Variants in INPP4B observed in about 807,000 individuals in gnomAD.
The protein encoded by INPP4B is inositol polyphosphate-4-phosphatase type II B.
INPP4B carries 55 observed loss-of-function variants against 122.5 expected under a neutral mutation model. That is an observed-to-expected ratio of 0.45 (90% CI 0.36 to 0.56). The LOEUF (loss-of-function observed/expected upper bound fraction) is 0.56. Among genes scored for constraint, INPP4B ranks in the 20% least tolerant of loss-of-function variants. INPP4B has a pLI of 0.00. For missense variants in INPP4B, 1,000 were observed against 1,097.7 expected (o/e 0.91, Z 1.26); for synonymous variants, 403 against 388.7 (o/e 1.04, Z -0.43).
intron 7 of INPP4B, among the ~76,000 whole-genome samples, chr4:142,371,807 A>G (rs1790016747): frequency 6.6e-6 from 1 of 152,030 alleles, no homozygotes. Flanking sequence ...ATGTGAGGAA[A>G]GGGAGCTCTT....
intron 2 of INPP4B, among the ~76,000 whole-genome samples, chr4:142,691,068 G>A (rs1271926615): frequency 6.6e-6 from 1 of 152,102 alleles, no homozygotes; most frequent in Non-Finnish European, 1.5e-5. Flanking sequence ...GAACTCGGTG[G>A]GAACCATTGG....
chr4:142,089,156 C>T (rs1778246587), intron 23 of INPP4B, among the ~76,000 whole-genome samples: 1 of 152,124 alleles, frequency 6.6e-6, no homozygotes, highest in Non-Finnish European at 1.5e-5. Context: ...ATGTTCTGCT[C>T]TGCTGGGGAA....
At chr4:142,084,764 G>A (rs1193251889) in intron 24 of INPP4B, among the ~76,000 whole-genome samples, 1 of 152,126 alleles carries the variant, frequency 6.6e-6, no homozygotes, top group Non-Finnish European at 1.5e-5. Context: ...ATGGGAAATT[G>A]CATATACTAA....
intron 18 of INPP4B, among the ~76,000 whole-genome samples, chr4:142,128,481 C>T (rs1299093478): frequency 1.3e-5 from 2 of 152,026 alleles, no homozygotes; most frequent in Non-Finnish European, 2.9e-5. Context: ...GCCAACTAGC[C>T]TCGCAGGCAC....
chr4:142,215,267 TA>T, intron 12 of INPP4B, among the ~76,000 whole-genome samples: 1 of 152,288 alleles, frequency 6.6e-6, no homozygotes, highest in African/African-American at 2.4e-5. Flanking sequence ...TACCTCATAT[TA>T]TTCTCTACTG....
chr4:142,175,202 T>C (rs993819667), intron 15 of INPP4B, among the ~76,000 whole-genome samples: 4 of 152,136 alleles, frequency 2.6e-5, no homozygotes, highest in Admixed American at 2.0e-4. Context: ...GTCTACTACA[T>C]TTTTATCAGC....
At chr4:142,231,522 T>C (rs748357436) in intron 12 of INPP4B, among the ~76,000 whole-genome samples, 1 of 152,258 alleles carries the variant, frequency 6.6e-6, no homozygotes, top group Non-Finnish European at 1.5e-5. Context: ...AATATCTTGT[T>C]TGTAATATAT....
chr4:142,414,323 T>C (rs1256299874), intron 5 of INPP4B, among the ~76,000 whole-genome samples: 2 of 152,048 alleles, frequency 1.3e-5, no homozygotes, highest in Non-Finnish European at 2.9e-5. Context: ...GATGAGAAGA[T>C]AAAATTCACT....
Position 142,567,676 on chromosome 4 carries a change from G to A in INPP4B, c.-190-104950C>T, listed in dbSNP as rs117606948. Among the ~76,000 whole-genome samples the A allele has an allele frequency of 2.0e-5, 3 of 151,936 alleles. No homozygotes were observed. The South Asian group carries it at 6.2e-4, about 32-fold the overall frequency. Reference sequence around the variant, plus strand: ...AACAGTGAAATAGATATATACATATGGGAAAAGGTACACTTTAAAAAGCAT... The same window carrying A: ...AACAGTGAAATAGATATATACATATAGGAAAAGGTACACTTTAAAAAGCAT... On this transcript the variant is annotated intron_variant, in intron 2 of 25. Coordinates refer to ENST00000262992, the MANE Select transcript of INPP4B (RefSeq NM_001101669.3).
Position 142,040,853 on chromosome 4 carries a change from T to C in INPP4B, c.2643-11939A>G, listed in dbSNP as rs533365756. Among the ~76,000 whole-genome samples, 53 of 152,318 alleles carry C rather than the reference T, an allele frequency of 3.5e-4. No individual in the cohort carries two copies. The Middle Eastern group carries it at 0.017, about 49-fold the overall frequency. ...CATGTTTCACTGCTCTAGTTTGTCA[T>C]TCTCCTGGAGTCTGGGATAACTTTA... On this transcript the variant is annotated intron_variant, in intron 25 of 25. Coordinates refer to ENST00000262992, the MANE Select transcript of INPP4B (RefSeq NM_001101669.3).
At chr4:142,843,706 T>C (rs1268930733) in intron 1 of INPP4B, among the ~76,000 whole-genome samples, 2 of 152,066 alleles carry the variant, frequency 1.3e-5, no homozygotes, top group Non-Finnish European at 2.9e-5. Flanking sequence ...TTCTTAACTT[T>C]TTGTTCTCAG....
intron 2 of INPP4B, among the ~76,000 whole-genome samples, chr4:142,631,666 A>G (rs1387562762): frequency 6.6e-6 from 1 of 152,174 alleles, no homozygotes; most frequent in South Asian, 2.1e-4. Flanking sequence ...AAAATTAAAG[A>G]TGAAGAAAAT....
intron 1 of INPP4B, among the ~76,000 whole-genome samples, chr4:142,779,612 G>A (rs1001468501): frequency 6.6e-6 from 1 of 151,976 alleles, no homozygotes; most frequent in Non-Finnish European, 1.5e-5. Flanking sequence ...CTTCCCTCTT[G>A]TCCTTCATTC....
At chr4:142,435,139 C>A (rs1580054389) in intron 3 of INPP4B, among the ~76,000 whole-genome samples, 1 of 151,970 alleles carries the variant, frequency 6.6e-6, no homozygotes, top group Non-Finnish European at 1.5e-5. Flanking sequence ...CATGTGAGAC[C>A]CTTTTCCTCA....
At chr4:142,793,033 T>C (rs868738009) in intron 1 of INPP4B, among the ~76,000 whole-genome samples, 1 of 151,926 alleles carries the variant, frequency 6.6e-6, no homozygotes. Context: ...CTTCTAAGTC[T>C]TTGACTATCC....
chr4:142,835,169 T>A (rs1235191159), intron 1 of INPP4B, among the ~76,000 whole-genome samples: 1 of 152,138 alleles, frequency 6.6e-6, no homozygotes, highest in Non-Finnish European at 1.5e-5. Context: ...AGAACTGCCC[T>A]TGGAAACAAC....
intron 2 of INPP4B, among the ~76,000 whole-genome samples, chr4:142,610,137 CA>C (rs978231268): frequency 2.6e-5 from 4 of 152,060 alleles, no homozygotes; most frequent in Non-Finnish European, 4.4e-5. Context: ...ATAATTGAAT[CA>C]GGGGGGCAGT....
At chr4:142,259,424 G>A (rs1161877021) in intron 11 of INPP4B, among the ~76,000 whole-genome samples, 1 of 151,510 alleles carries the variant, frequency 6.6e-6, no homozygotes, top group East Asian at 1.9e-4. Context: ...GGGTAGAAGA[G>A]ATGGAGAAGG....
intron 10 of INPP4B, among the ~76,000 whole-genome samples, chr4:142,262,894 A>G (rs1579509848): frequency 6.6e-6 from 1 of 152,206 alleles, no homozygotes; most frequent in African/African-American, 2.4e-5. Context: ...CAGTACTTCA[A>G]AGAACAGGAG....
Sources: gnomAD v4.1 joint callset for allele counts (sites outside exome capture counted in the v4.1 genomes callset) on GRCh38, gnomAD v4.1.1 for gene constraint, MANE v1.5 for transcripts, NCBI Gene and HGNC (gene_info 2026-07-23, HGNC 2026-07-21) for gene names.